AP2B1: variants seen among roughly 807,000 people sequenced by gnomAD.
The protein encoded by AP2B1 is adaptor related protein complex 2 subunit beta 1.
In AP2B1, 23 loss-of-function variants were observed where a neutral mutation model predicts 102.0. That is an observed-to-expected ratio of 0.23 (90% CI 0.16 to 0.32). The LOEUF (loss-of-function observed/expected upper bound fraction) is 0.32, where lower values mean the gene tolerates loss of function less well. AP2B1 is among the 10% of genes least tolerant of loss of function. The probability of loss-of-function intolerance (pLI) is 1.00; values close to 1 mark genes in which losing one functional copy is unlikely to be tolerated. For missense variants in AP2B1, 541 were observed against 1,157.4 expected (o/e 0.47, Z 7.73); for synonymous variants, 381 against 421.2 (o/e 0.90, Z 1.17).
At position 35,670,898 on chromosome 17, in the gene AP2B1, A is replaced by C; in HGVS notation, c.2031A>C (p.Ala677=). The C allele has an allele frequency of 1.2e-6, 2 of 1,614,030 alleles. No homozygotes were observed. The highest frequency in any genetic ancestry group is 1.1e-5 in the South Asian group (1 of 91,070). The change falls in exon 15 of 22, where the codon GCA becomes GCC. Residue 677 remains alanine, a splice_region_variant and synonymous_variant. Coordinates refer to ENST00000610402, the MANE Select transcript of AP2B1 (RefSeq NM_001030006.2). ...DLGGGIGGSP[A]VGQSFIPSSV... ...GCGGGGGCATTGGAGGAAGTCCGGCAGTAAGTGCCATCTGTTTTTTTCACC... is the reference window on the plus strand; with the variant it reads ...GCGGGGGCATTGGAGGAAGTCCGGCCGTAAGTGCCATCTGTTTTTTTCACC...
intron 5 of AP2B1, chr17:35,621,501 T>G: frequency 9.9e-6 from 2 of 202,916 alleles, no homozygotes; most frequent in Non-Finnish European, 1.7e-5. Flanking sequence ...AGGGGTAGGA[T>G]AGCATCTCCT....
At chr17:35,669,660 A>T (rs1427151350) in intron 14 of AP2B1, among the ~76,000 whole-genome samples, 1 of 152,196 alleles carries the variant, frequency 6.6e-6, no homozygotes, top group African/African-American at 2.4e-5. Flanking sequence ...CTATTTTTCA[A>T]TATTTAAGAT....
At chr17:35,673,407 T>C (rs1178319454) in intron 16 of AP2B1, among the ~76,000 whole-genome samples, 2 of 152,070 alleles carry the variant, frequency 1.3e-5, no homozygotes, top group Non-Finnish European at 2.9e-5. Flanking sequence ...CAGGATGGTC[T>C]CCATCTCCTG....
At chr17:35,620,114 G>A (rs959587763) in intron 5 of AP2B1, among the ~76,000 whole-genome samples, 2 of 152,082 alleles carry the variant, frequency 1.3e-5, no homozygotes. Context: ...TGCTGCAAAT[G>A]TGTCCCTTTG....
chr17:35,687,127 TA>T (rs1308755428), intron 18 of AP2B1, among the ~76,000 whole-genome samples: 3 of 152,182 alleles, frequency 2.0e-5, no homozygotes, highest in Non-Finnish European at 2.9e-5. Flanking sequence ...TTTATTTATT[TA>T]TTTTTTTTGA....
intron 1 of AP2B1, chr17:35,588,812 A>G (rs1031194271): frequency 2.8e-4 from 43 of 152,258 alleles, no homozygotes; most frequent in African/African-American, 9.4e-4. Context: ...AAACATCCTC[A>G]CTAAAAGCTG....
At chr17:35,630,471 G>C (rs144644883) in intron 9 of AP2B1, among the ~76,000 whole-genome samples, 128 of 152,248 alleles carry the variant, frequency 8.4e-4, no homozygotes, top group African/African-American at 3.0e-3. Context: ...GATTTTGGTA[G>C]CATAAGAGTA....
intron 13 of AP2B1, among the ~76,000 whole-genome samples, chr17:35,657,008 C>G (rs1276944287): frequency 6.6e-6 from 1 of 152,194 alleles, no homozygotes; most frequent in Non-Finnish European, 1.5e-5. Context: ...TTCACCACCC[C>G]TAAAGTCAAA....
chr17:35,712,873 C>G (rs776231893), intron 20 of AP2B1, among the ~76,000 whole-genome samples: 1 of 152,128 alleles, frequency 6.6e-6, no homozygotes, highest in Non-Finnish European at 1.5e-5. Context: ...ACCAGTATTC[C>G]TTGAACATGA....
intron 18 of AP2B1, among the ~76,000 whole-genome samples, chr17:35,691,035 G>A (rs1175536085): frequency 2.6e-5 from 4 of 151,920 alleles, no homozygotes; most frequent in Non-Finnish European, 4.4e-5. Flanking sequence ...CATAAACATT[G>A]TCGAATAAGA....
At chr17:35,602,591 A>G (rs1328218186) in intron 3 of AP2B1, among the ~76,000 whole-genome samples, 1 of 152,246 alleles carries the variant, frequency 6.6e-6, no homozygotes, top group African/African-American at 2.4e-5. Context: ...CAGTATATCT[A>G]AAATATCCTT....
At chr17:35,605,636 A>C in intron 3 of AP2B1, 69 bp from the exon 4 acceptor site, 1 of 1,084,606 alleles carries the variant, frequency 9.2e-7, no homozygotes, top group Non-Finnish European at 1.4e-6. Flanking sequence ...AAGGCTATTC[A>C]TGTTCTGTCC....
chr17:35,596,802 C>T, intron 2 of AP2B1: 1 of 627,556 alleles, frequency 1.6e-6, no homozygotes, highest in Non-Finnish European at 3.0e-6. Context: ...CTGCATGGGC[C>T]CCCGCAGCGC....
intron 20 of AP2B1, among the ~76,000 whole-genome samples, chr17:35,716,806 G>A (rs226432): frequency 0.52 from 78,880 of 151,978 alleles, 20,540 homozygotes; most frequent in Middle Eastern, 0.59. Flanking sequence ...TCCAGAAACA[G>A]ATACCAACAT....
At chr17:35,670,385 G>A (rs944135771) in intron 14 of AP2B1, among the ~76,000 whole-genome samples, 2 of 152,160 alleles carry the variant, frequency 1.3e-5, no homozygotes, top group South Asian at 2.1e-4. Flanking sequence ...AGCAGGTTTT[G>A]TAAATTAAAA....
rs1567844355 is a variant in AP2B1, at chr17:35,626,862, T to C, written c.938+20T>C. 1.2e-6 allele frequency: 2 copies of C among 1,602,058 alleles called. No individual in the cohort carries two copies. Among genetic ancestry groups the C allele is most frequent in the Non-Finnish European group, 1.7e-6 (2 of 1,169,500 alleles). On this transcript the variant is annotated intron_variant, in intron 7 of 21. Transcript: ENST00000610402. ...GAAAAGGTTGGGAAATAGCGAAGTG[T>C]TGATTAAAGTGTTTGTAATTTTGCA...
intron 21 of AP2B1, among the ~76,000 whole-genome samples, chr17:35,720,561 ATATATATATATATTTT>A (rs1258202103): frequency 6.1e-5 from 3 of 49,024 alleles, no homozygotes; most frequent in African/African-American, 2.3e-4. Flanking sequence ...ATATATATAT[ATATATATATATATTTT>A]TTTTTTTTTT....
chr17:35,711,145 A>G (rs781843274), intron 20 of AP2B1, among the ~76,000 whole-genome samples: 87 of 152,320 alleles, frequency 5.7e-4, no homozygotes, highest in African/African-American at 2.0e-3. Flanking sequence ...TAAGTTATTT[A>G]GAGTCCTGCC....
intron 4 of AP2B1, among the ~76,000 whole-genome samples, chr17:35,607,001 G>T (rs1364019468): frequency 6.6e-6 from 1 of 151,858 alleles, no homozygotes; most frequent in Non-Finnish European, 1.5e-5. Flanking sequence ...CGCCTCCCGG[G>T]CTCAAGTGAT....
Sources: allele counts gnomAD v4.1 joint callset (sites outside exome capture counted in the v4.1 genomes callset), GRCh38; gene constraint gnomAD v4.1.1; transcripts MANE v1.5; gene names NCBI Gene and HGNC (gene_info 2026-07-23, HGNC 2026-07-21).